The following TCEA1 variants were observed in gnomAD, a reference collection of about 807,000 sequenced individuals.
The protein encoded by TCEA1 is transcription elongation factor A1, also known as transcription elongation factor A protein 1.
TCEA1 carries 21 observed loss-of-function variants against 43.8 expected under a neutral mutation model. The ratio of observed to expected loss-of-function variants is 0.48; its 90% confidence interval spans 0.34 to 0.69. The LOEUF is 0.69. Among genes scored for constraint, TCEA1 ranks in the 30% least tolerant of loss-of-function variants. TCEA1 has a pLI of 0.01. For missense variants in TCEA1, 250 were observed against 365.1 expected (o/e 0.68, Z 2.57); for synonymous variants, 104 against 117.5 (o/e 0.88, Z 0.75).
chr8:53,972,317 T>G lies in TCEA1; in HGVS notation c.826-1854A>C, dbSNP rs1458142940. 1.3e-5 allele frequency: 6 copies of G among 455,774 alleles called. No homozygotes were observed. The East Asian group carries it at 3.4e-4, about 26-fold the overall frequency. The allele number at this position is 455,774 out of a possible 1,614,324, so 28.2% of individuals were successfully genotyped here. ...GTGATGATGAAAATGAAGAGGAGGA[T>G]GAAGAGAATGGTGAGGATGATGATG... On this transcript the variant is annotated intron_variant, in intron 8 of 9. Coordinates refer to ENST00000521604, the MANE Select transcript of TCEA1 (RefSeq NM_006756.4).
intron 2 of TCEA1, among the ~76,000 whole-genome samples, chr8:54,006,682 C>A (rs991026382): frequency 6.6e-6 from 1 of 152,154 alleles, no homozygotes; most frequent in Non-Finnish European, 1.5e-5. Context: ...TAAAGTTATG[C>A]CTTGGTAAGG....
chr8:53,985,436 TTC>T (rs1197048600), intron 6 of TCEA1, among the ~76,000 whole-genome samples: 1 of 152,218 alleles, frequency 6.6e-6, no homozygotes, highest in Non-Finnish European at 1.5e-5. Flanking sequence ...CTTGAACTTA[TTC>T]AAGCTTTACT....
At chr8:54,019,518 C>A (rs548711682) in intron 1 of TCEA1, among the ~76,000 whole-genome samples, 1 of 148,570 alleles carries the variant, frequency 6.7e-6, no homozygotes, top group Non-Finnish European at 1.5e-5. Flanking sequence ...TGCAGTGAGC[C>A]GAGATTGCAC....
chr8:53,984,320 C>T, intron 7 of TCEA1, 43 bp downstream of exon 7: 1 of 1,541,266 alleles, frequency 6.5e-7, no homozygotes, highest in Non-Finnish European at 8.7e-7. Flanking sequence ...CACTTCACAA[C>T]ACAGAATCAC....
chr8:53,984,573 T>C (rs77576040), intron 6 of TCEA1, 56 bp from the exon 7 acceptor site: 5 of 1,438,724 alleles, frequency 3.5e-6, no homozygotes, highest in Non-Finnish European at 4.6e-6. Context: ...CACTTTTTTT[T>C]CCTGTTCTGC....
chr8:53,987,301 C>T (rs10093431), intron 5 of TCEA1, among the ~76,000 whole-genome samples: 24,762 of 152,168 alleles, frequency 0.16, 5,688 homozygotes, highest in African/African-American at 0.52. Context: ...TTCGTAACTC[C>T]ATAAATTCTG....
At chr8:53,973,694 G>T in intron 8 of TCEA1, 1 of 558,296 alleles carries the variant, frequency 1.8e-6, no homozygotes. Context: ...TGAAAAAAAA[G>T]AAATTATTAG....
At chr8:53,991,126 C>G (rs1007169983) in intron 4 of TCEA1, among the ~76,000 whole-genome samples, 1 of 152,140 alleles carries the variant, frequency 6.6e-6, no homozygotes, top group Admixed American at 6.5e-5. Context: ...GGCGCAGTGG[C>G]TCACGACAGT....
At chr8:53,983,642 C>A (rs977210904) in intron 7 of TCEA1, among the ~76,000 whole-genome samples, 1 of 148,240 alleles carries the variant, frequency 6.7e-6, no homozygotes. Flanking sequence ...CATCCCAGCC[C>A]AGGCAACAAG....
chr8:53,988,607 G>T (rs1803768605), intron 4 of TCEA1, among the ~76,000 whole-genome samples: 1 of 152,054 alleles, frequency 6.6e-6, no homozygotes, highest in Non-Finnish European at 1.5e-5. Flanking sequence ...TGAAGGGATG[G>T]GACCAGAGAA....
chr8:53,975,739 G>A (rs1803312049), intron 8 of TCEA1, among the ~76,000 whole-genome samples: 1 of 152,126 alleles, frequency 6.6e-6, no homozygotes, highest in Non-Finnish European at 1.5e-5. Flanking sequence ...TGGGGAGAGG[G>A]GAATGGGGAG....
intron 1 of TCEA1, among the ~76,000 whole-genome samples, chr8:54,012,344 G>C (rs562648927): frequency 6.6e-6 from 1 of 152,126 alleles, no homozygotes; most frequent in South Asian, 2.1e-4. Flanking sequence ...GATGGATCAC[G>C]AGGTCAGGAG....
At chr8:53,991,597 G>A (rs1262620104) in intron 4 of TCEA1, among the ~76,000 whole-genome samples, 1 of 151,896 alleles carries the variant, frequency 6.6e-6, no homozygotes, top group Non-Finnish European at 1.5e-5. Flanking sequence ...GGGAGGCTGA[G>A]GCAGGAGAAT....
At chr8:54,020,400 A>G (rs1804983123) in intron 1 of TCEA1, among the ~76,000 whole-genome samples, 1 of 152,226 alleles carries the variant, frequency 6.6e-6, no homozygotes, top group Non-Finnish European at 1.5e-5. Context: ...CAGAAAATAA[A>G]CAGGAAATAC....
At chr8:54,013,718 CAAAA>C (rs1804733376) in intron 1 of TCEA1, among the ~76,000 whole-genome samples, 2 of 122,042 alleles carry the variant, frequency 1.6e-5, no homozygotes, top group African/African-American at 5.9e-5. Context: ...AACAGACAAA[CAAAA>C]AGAAATAACT....
At chr8:53,983,191 T>C (rs1803570540) in intron 7 of TCEA1, among the ~76,000 whole-genome samples, 3 of 152,200 alleles carry the variant, frequency 2.0e-5, no homozygotes, top group Admixed American at 6.5e-5. Flanking sequence ...GTATAAGGTG[T>C]ACACTGTTTT....
At chr8:53,997,842 A>G (rs1409477927) in intron 3 of TCEA1, among the ~76,000 whole-genome samples, 1 of 152,194 alleles carries the variant, frequency 6.6e-6, no homozygotes, top group African/African-American at 2.4e-5. Context: ...AGGTTAGCCT[A>G]GGCAACATAG....
At chr8:54,002,860 G>C (rs1804315133) in intron 2 of TCEA1, 3 of 455,812 alleles carry the variant, frequency 6.6e-6, no homozygotes, top group African/African-American at 2.0e-5. Flanking sequence ...GATTTCTATA[G>C]AACATCAGGT....
chr8:53,973,811 T>A, intron 8 of TCEA1: 1 of 405,184 alleles, frequency 2.5e-6, no homozygotes, highest in Non-Finnish European at 4.7e-6. Context: ...AAACAAAAGC[T>A]GTGGAAAAAA....
Sources: allele counts gnomAD v4.1 joint callset (sites outside exome capture counted in the v4.1 genomes callset), GRCh38; gene constraint gnomAD v4.1.1; transcripts MANE v1.5; gene names NCBI Gene and HGNC (gene_info 2026-07-23, HGNC 2026-07-21).